Variants in SPOCK1 observed in about 807,000 individuals in gnomAD.
The protein encoded by SPOCK1 is SPARC (osteonectin), cwcv and kazal like domains proteoglycan 1.
Under a neutral mutation model 55.3 loss-of-function variants are expected in SPOCK1, and 23 were observed. The observed-to-expected ratio is 0.42, with a 90% CI of 0.30 to 0.59. The LOEUF (loss-of-function observed/expected upper bound fraction) is 0.59. Among genes scored for constraint, SPOCK1 ranks in the 20% least tolerant of loss-of-function variants. The pLI is 0.22. For missense variants in SPOCK1, 499 were observed against 552.5 expected (o/e 0.90, Z 0.97); for synonymous variants, 226 against 221.0 (o/e 1.02, Z -0.20).
At position 136,978,513 on chromosome 5, in the gene SPOCK1, G is replaced by T; in HGVS notation, c.*141C>A. The stretch of plus-strand genomic sequence containing the variant: ...AATCAGAATCCTCTGGGAACAAGCA[G>T]TTGTCTTCCAAACCTTAGGTCGGGT... On this transcript the variant is annotated 3_prime_UTR_variant, in exon 11 of 11. Coordinates refer to ENST00000394945, the MANE Select transcript of SPOCK1 (RefSeq NM_004598.4). The T allele has an allele frequency of 1.3e-6, 1 of 744,578 alleles. No individual in the cohort carries two copies. The highest frequency in any genetic ancestry group is 2.0e-6 in the Non-Finnish European group (1 of 490,738). 46.1% of individuals were successfully genotyped at this position (744,578 alleles called of 1,614,324 possible). A position where few individuals can be genotyped will look rare whatever the true frequency, so the allele number is the denominator to read the frequency against.
Position 136,977,730 on chromosome 5 carries a change from G to A in SPOCK1, c.*924C>T. On this transcript the variant is annotated 3_prime_UTR_variant, in exon 11 of 11. Transcript: ENST00000394945. The stretch of plus-strand genomic sequence containing the variant: ...TGGCTTCTGCGAGAAAAGTGATTTA[G>A]GCAGACGGAGGTTTTTTCTCAATCA... 1 of 398,852 alleles carries A rather than the reference G, an allele frequency of 2.5e-6. No homozygotes were observed. 24.7% of individuals were successfully genotyped at this position (398,852 alleles called of 1,614,324 possible).
At chr5:137,465,517 G>C (rs533007054) in intron 2 of SPOCK1, among the ~76,000 whole-genome samples, 1 of 151,908 alleles carries the variant, frequency 6.6e-6, no homozygotes, top group Admixed American at 6.6e-5. Context: ...AGCTGGAAAA[G>C]TTCTATTGAA....
At chr5:137,403,156 A>C (rs1347945820) in intron 2 of SPOCK1, among the ~76,000 whole-genome samples, 1 of 152,224 alleles carries the variant, frequency 6.6e-6, no homozygotes, top group African/African-American at 2.4e-5. Flanking sequence ...GAGATAAAAG[A>C]GCTAGGAGAC....
intron 2 of SPOCK1, among the ~76,000 whole-genome samples, chr5:137,305,735 C>T (rs547941689): frequency 8.2e-4 from 125 of 152,310 alleles, no homozygotes; most frequent in African/African-American, 2.8e-3. Flanking sequence ...CCAGTTCCTC[C>T]GTGCAAACTT....
At chr5:137,431,160 C>T (rs1039047601) in intron 2 of SPOCK1, among the ~76,000 whole-genome samples, 2 of 152,176 alleles carry the variant, frequency 1.3e-5, no homozygotes, top group African/African-American at 4.8e-5. Context: ...GCAAGGACAG[C>T]AGCTATAGCC....
At chr5:137,114,029 G>A (rs1318070674) in intron 4 of SPOCK1, among the ~76,000 whole-genome samples, 6 of 152,130 alleles carry the variant, frequency 3.9e-5, no homozygotes, top group Non-Finnish European at 8.8e-5. Context: ...TAGCAATTTG[G>A]GGGAGGTGGT....
At chr5:137,042,104 A>G (rs973715440) in intron 6 of SPOCK1, among the ~76,000 whole-genome samples, 1 of 152,176 alleles carries the variant, frequency 6.6e-6, no homozygotes, top group Admixed American at 6.5e-5. Context: ...CATACAATGG[A>G]CTACTATTCA....
chr5:137,390,230 G>A (rs529373222), intron 2 of SPOCK1, among the ~76,000 whole-genome samples: 2 of 152,250 alleles, frequency 1.3e-5, no homozygotes, highest in Admixed American at 1.3e-4. Flanking sequence ...CTGAAACAAG[G>A]TCATGGAGAA....
chr5:137,008,293 A>ACACAC (rs774157155), intron 6 of SPOCK1, among the ~76,000 whole-genome samples: 2 of 40,640 alleles, frequency 4.9e-5, no homozygotes, highest in South Asian at 1.6e-3. Context: ...TATAATAATA[A>ACACAC]ATACACACAC....
At chr5:137,113,683 C>A (rs1753517828) in intron 4 of SPOCK1, among the ~76,000 whole-genome samples, 1 of 152,070 alleles carries the variant, frequency 6.6e-6, no homozygotes, top group Admixed American at 6.5e-5. Context: ...AGAGTGCCTG[C>A]AAAATAGGAA....
chr5:137,271,057 A>G (rs959750023), intron 2 of SPOCK1, among the ~76,000 whole-genome samples: 1 of 151,988 alleles, frequency 6.6e-6, no homozygotes, highest in Non-Finnish European at 1.5e-5. Flanking sequence ...CATAAAGATC[A>G]TGGTAAGAAA....
At chr5:136,990,768 G>A (rs1750935171) in intron 7 of SPOCK1, among the ~76,000 whole-genome samples, 1 of 152,134 alleles carries the variant, frequency 6.6e-6, no homozygotes, top group African/African-American at 2.4e-5. Context: ...CATAAGGCAA[G>A]AGGAGTTTAC....
At chr5:137,478,723 G>A (rs1753887251) in intron 2 of SPOCK1, among the ~76,000 whole-genome samples, 1 of 151,932 alleles carries the variant, frequency 6.6e-6, no homozygotes, top group Non-Finnish European at 1.5e-5. Context: ...CAGAGAGTTA[G>A]GTCTCTTATA....
At chr5:137,474,864 A>G (rs1038285848) in intron 2 of SPOCK1, among the ~76,000 whole-genome samples, 1 of 152,228 alleles carries the variant, frequency 6.6e-6, no homozygotes, top group Non-Finnish European at 1.5e-5. Flanking sequence ...TAGCAAAAAA[A>G]TATGGGTAAT....
At chr5:137,096,634 G>A (rs1753151537) in intron 5 of SPOCK1, among the ~76,000 whole-genome samples, 1 of 152,244 alleles carries the variant, frequency 6.6e-6, no homozygotes, top group Admixed American at 6.5e-5. Context: ...ACAGCACATA[G>A]TTGTATCCAA....
At chr5:136,999,488 A>G (rs1271451909) in intron 6 of SPOCK1, among the ~76,000 whole-genome samples, 33 of 152,212 alleles carry the variant, frequency 2.2e-4, no homozygotes. Flanking sequence ...GAAAGTGGAG[A>G]GGTAGGAGCT....
At chr5:136,983,995 T>C (rs1235248678) in intron 9 of SPOCK1, among the ~76,000 whole-genome samples, 1 of 152,214 alleles carries the variant, frequency 6.6e-6, no homozygotes, top group African/African-American at 2.4e-5. Context: ...CTGCAGATCA[T>C]AGGTACGTCA....
intron 4 of SPOCK1, among the ~76,000 whole-genome samples, chr5:137,128,565 A>G (rs1447089716): frequency 6.6e-6 from 1 of 152,210 alleles, no homozygotes; most frequent in African/African-American, 2.4e-5. Flanking sequence ...TCATTTTAGA[A>G]GGAAATGGAG....
At chr5:137,356,798 A>AATATATATATATATATATAT (rs1191051173) in intron 2 of SPOCK1, among the ~76,000 whole-genome samples, 2 of 13,738 alleles carry the variant, frequency 1.5e-4, no homozygotes, top group Non-Finnish European at 2.4e-4. Flanking sequence ...CAAAAAAAAT[A>AATATATATATATATATATAT]ATATATATAT....
Sources: allele counts gnomAD v4.1 joint callset (sites outside exome capture counted in the v4.1 genomes callset), GRCh38; gene constraint gnomAD v4.1.1; transcripts MANE v1.5; gene names NCBI Gene and HGNC (gene_info 2026-07-23, HGNC 2026-07-21).